Variants in TMEM108 observed in about 807,000 individuals in gnomAD.
TMEM108 encodes the protein transmembrane protein 108.
A neutral mutation model predicts 35.1 loss-of-function variants in TMEM108; 12 were observed. The observed-to-expected ratio is 0.34, with a 90% CI of 0.22 to 0.55. TMEM108 has a LOEUF of 0.55. TMEM108 is among the 20% of genes least tolerant of loss of function. The pLI is 0.89. For missense variants in TMEM108, 680 were observed against 753.3 expected, an observed-to-expected ratio of 0.90 and a Z score of 1.14; for synonymous variants, 287 against 308.6, an observed-to-expected ratio of 0.93 and a Z score of 0.73.
chr3:133,066,397 ATAACT>A (rs1259566151), intron 2 of TMEM108, among the ~76,000 whole-genome samples: 1 of 152,194 alleles, frequency 6.6e-6, no homozygotes, highest in Admixed American at 6.5e-5. Context: ...ATAAAAAATA[ATAACT>A]TAAAATTTAA....
At chr3:133,216,968 G>A (rs1474637350) in intron 2 of TMEM108, among the ~76,000 whole-genome samples, 1 of 152,072 alleles carries the variant, frequency 6.6e-6, no homozygotes, top group African/African-American at 2.4e-5. Context: ...GATGGATTAT[G>A]TGGTAGTTTT....
Position 133,288,632 on chromosome 3 carries a change from C to T in TMEM108, c.40+59281C>T, listed in dbSNP as rs556191424. 3.9e-5 allele frequency among the ~76,000 whole-genome samples: 6 copies of T among 152,298 alleles called. No individual in the cohort carries two copies. The South Asian group carries it at 1.2e-3, about 32-fold the overall frequency. On this transcript the variant is annotated intron_variant, in intron 3 of 5. Coordinates refer to ENST00000321871, the MANE Select transcript of TMEM108 (RefSeq NM_023943.4). ...CTACCTGTCTGATGATGCTTCCCTG[C>T]AGAGGAGGCATTGAGTGTTTATATA...
At chr3:133,138,119 A>G (rs755590260) in intron 2 of TMEM108, among the ~76,000 whole-genome samples, 24 of 152,200 alleles carry the variant, frequency 1.6e-4, no homozygotes, top group Non-Finnish European at 2.8e-4. Flanking sequence ...ATACCCAGCC[A>G]AAAGAGTAGA....
At chr3:133,342,555 T>TATATATATATATATATATACAC (rs60991711) in intron 3 of TMEM108, among the ~76,000 whole-genome samples, 5 of 63,452 alleles carry the variant, frequency 7.9e-5, no homozygotes, top group Non-Finnish European at 1.5e-4. Context: ...TATATATATA[T>TATATATATATATATATATACAC]ACACACACAC....
chr3:133,133,888 C>G (rs549111572), intron 2 of TMEM108, among the ~76,000 whole-genome samples: 3 of 151,648 alleles, frequency 2.0e-5, no homozygotes, highest in Non-Finnish European at 4.4e-5. Context: ...CTCAGCCTCC[C>G]GAGTAGCTGG....
chr3:133,263,269 C>T (rs1339401614), intron 3 of TMEM108, among the ~76,000 whole-genome samples: 1 of 152,182 alleles, frequency 6.6e-6, no homozygotes, highest in Non-Finnish European at 1.5e-5. Flanking sequence ...CCATTTTCTG[C>T]ATAAGCAAGT....
chr3:133,283,270 G>C (rs1185965292), intron 3 of TMEM108, among the ~76,000 whole-genome samples: 2 of 152,168 alleles, frequency 1.3e-5, no homozygotes, highest in Non-Finnish European at 2.9e-5. Flanking sequence ...TAATAACCCA[G>C]CATCCTATGC....
At chr3:133,377,761 G>T (rs924990034) in intron 3 of TMEM108, among the ~76,000 whole-genome samples, 18 of 152,330 alleles carry the variant, frequency 1.2e-4, no homozygotes, top group Admixed American at 3.9e-4. Context: ...TAGGAACCAG[G>T]CTGCACCACA....
chr3:133,161,245 G>A (rs1266658942), intron 2 of TMEM108, among the ~76,000 whole-genome samples: 1 of 152,044 alleles, frequency 6.6e-6, no homozygotes, highest in Non-Finnish European at 1.5e-5. Flanking sequence ...TCTGCTTCCT[G>A]GAATGCTTGT....
intron 4 of TMEM108, chr3:133,387,669 G>C (rs1271828169): frequency 1.5e-6 from 1 of 681,138 alleles, no homozygotes; most frequent in Non-Finnish European, 1.8e-6. Flanking sequence ...CTGGGGGAAG[G>C]GGCTGATTTG....
At chr3:133,130,869 C>A (rs1454185540) in intron 2 of TMEM108, among the ~76,000 whole-genome samples, 1 of 152,174 alleles carries the variant, frequency 6.6e-6, no homozygotes, top group African/African-American at 2.4e-5. Flanking sequence ...ATAATCTATC[C>A]ATTATAATTT....
chr3:133,177,388 C>T (rs1456634581), intron 2 of TMEM108, among the ~76,000 whole-genome samples: 8 of 152,298 alleles, frequency 5.3e-5, no homozygotes, highest in African/African-American at 1.9e-4. Context: ...ACCAATATCC[C>T]TGATGAACAT....
At chr3:133,060,151 T>C (rs1576297162) in intron 2 of TMEM108, among the ~76,000 whole-genome samples, 1 of 152,330 alleles carries the variant, frequency 6.6e-6, no homozygotes, top group Non-Finnish European at 1.5e-5. Context: ...GACATAGAAC[T>C]TCCATCAGGT....
At chr3:133,309,682 C>CTTTTTTTTTTTTTTTT (rs148272827) in intron 3 of TMEM108, among the ~76,000 whole-genome samples, 2 of 69,196 alleles carry the variant, frequency 2.9e-5, no homozygotes, top group African/African-American at 5.8e-5. Flanking sequence ...GAGTGAGTTT[C>CTTTTTTTTTTTTTTTT]TTTTTTTTTT....
At chr3:133,269,495 G>T (rs771561062) in intron 3 of TMEM108, among the ~76,000 whole-genome samples, 15 of 152,086 alleles carry the variant, frequency 9.9e-5, no homozygotes, top group Non-Finnish European at 1.5e-4. Context: ...GGAGCACTGG[G>T]GTCACTGGCT....
intron 3 of TMEM108, chr3:133,247,121 T>C (rs1193859283): frequency 6.6e-6 from 1 of 152,186 alleles, no homozygotes; most frequent in Non-Finnish European, 1.5e-5. Flanking sequence ...AAACCTTCAA[T>C]CACAATAATT....
chr3:133,369,424 G>A (rs937825293), intron 3 of TMEM108, among the ~76,000 whole-genome samples: 5 of 152,134 alleles, frequency 3.3e-5, no homozygotes, highest in African/African-American at 1.2e-4. Flanking sequence ...CTAGCCCCGT[G>A]GTACTGACAA....
chr3:133,278,093 T>G (rs866196075), intron 3 of TMEM108, among the ~76,000 whole-genome samples: 20 of 152,334 alleles, frequency 1.3e-4, no homozygotes, highest in Middle Eastern at 3.4e-3. Flanking sequence ...CCACACGGCA[T>G]GAGAAGCAAG....
chr3:133,261,595 G>T (rs995132639), intron 3 of TMEM108, among the ~76,000 whole-genome samples: 3 of 152,168 alleles, frequency 2.0e-5, no homozygotes, highest in African/African-American at 7.2e-5. Context: ...GTGTCTGAAA[G>T]CACTCTATTT....
Sources: allele counts gnomAD v4.1 joint callset (sites outside exome capture counted in the v4.1 genomes callset), GRCh38; gene constraint gnomAD v4.1.1; transcripts MANE v1.5; gene names NCBI Gene and HGNC (gene_info 2026-07-23, HGNC 2026-07-21).